The following LRP6 variants were observed in gnomAD, a reference collection of about 807,000 sequenced individuals.
LRP6 encodes low-density lipoprotein receptor-related protein 6.
LRP6 carries 43 observed loss-of-function variants against 184.1 expected under a neutral mutation model. The observed-to-expected ratio is 0.23, with a 90% CI of 0.18 to 0.30. The LOEUF is 0.30. LRP6 is among the 10% of genes least tolerant of loss of function. LRP6 has a pLI of 1.00. For missense variants in LRP6, 1,571 were observed against 2,005.3 expected (o/e 0.78, Z 4.14); for synonymous variants, 719 against 684.9 (o/e 1.05, Z -0.78).
At chr12:12,266,604 C>T (rs529499395) in intron 1 of LRP6, 77 bp downstream of exon 1, 1 of 1,224,874 alleles carries the variant, frequency 8.2e-7, no homozygotes, top group South Asian at 1.3e-5. Context: ...TCCGTCCCTC[C>T]CCTCCCCCTA....
intron 19 of LRP6, among the ~76,000 whole-genome samples, chr12:12,130,296 C>T (rs1469155797): frequency 1.3e-5 from 2 of 151,176 alleles, no homozygotes; most frequent in Non-Finnish European, 2.9e-5. Flanking sequence ...AAATGATTGT[C>T]CTGCTTCAGC....
intron 14 of LRP6, 103 bp from the exon 15 acceptor site, chr12:12,147,659 G>GT: frequency 1.0e-6 from 1 of 988,106 alleles, no homozygotes; most frequent in South Asian, 1.4e-5. Context: ...TTTAAGTATT[G>GT]TTTTTAAAAG....
At chr12:12,254,353 C>G (rs1865410521) in intron 1 of LRP6, among the ~76,000 whole-genome samples, 1 of 152,028 alleles carries the variant, frequency 6.6e-6, no homozygotes, top group South Asian at 2.1e-4. Flanking sequence ...TTACATAGGA[C>G]TGAATAAACT....
chr12:12,257,357 T>C (rs1341147187), intron 1 of LRP6, among the ~76,000 whole-genome samples: 1 of 151,858 alleles, frequency 6.6e-6, no homozygotes, highest in East Asian at 1.9e-4. Flanking sequence ...GGCGGGTGGA[T>C]CACGAGGTCA....
intron 4 of LRP6, among the ~76,000 whole-genome samples, chr12:12,185,343 A>T (rs1313209120): frequency 6.6e-6 from 1 of 152,192 alleles, no homozygotes; most frequent in Non-Finnish European, 1.5e-5. Context: ...AGAATAAAAA[A>T]ATTCATACAA....
chr12:12,151,028 A>C lies in LRP6; in HGVS notation c.2802T>G (p.Thr934=). 1 of 1,614,002 alleles carries C rather than the reference A, an allele frequency of 6.2e-7. No individual in the cohort carries two copies. Among genetic ancestry groups the C allele is most frequent in the Non-Finnish European group, 8.5e-7 (1 of 1,179,902 alleles). Residue 934 remains threonine (T), a synonymous_variant, in exon 13 of 23, where the codon ACT becomes ACG. Coordinates refer to ENST00000261349, the MANE Select transcript of LRP6 (RefSeq NM_002336.3). ...CACTCTTTTGACTGAAGAGCAGGAA[A>C]GTCGTAGGAGCTTAAAAGGAAGAAA... ...ADNRTCSAPT[T]FLLFSQKSAI... is the part of the protein sequence containing the mutation.
At chr12:12,134,342 A>G (rs1949801992) in intron 17 of LRP6, among the ~76,000 whole-genome samples, 1 of 152,164 alleles carries the variant, frequency 6.6e-6, no homozygotes, top group African/African-American at 2.4e-5. Flanking sequence ...TCATTTAAAA[A>G]TTTCTGCCAC....
intron 21 of LRP6, 53 bp from the exon 22 acceptor site, chr12:12,124,715 ACTTT>A (rs1230551954): frequency 9.6e-6 from 11 of 1,144,924 alleles, no homozygotes; most frequent in Admixed American, 1.9e-5. Context: ...AAACTATCAG[ACTTT>A]CTTTCAACTT....
At chr12:12,214,229 T>A (rs1014206541) in intron 2 of LRP6, among the ~76,000 whole-genome samples, 1 of 152,128 alleles carries the variant, frequency 6.6e-6, no homozygotes, top group South Asian at 2.1e-4. Flanking sequence ...AAGAGAAAAT[T>A]TAGGACAAAA....
At chr12:12,201,512 G>T (rs1232661466) in intron 3 of LRP6, among the ~76,000 whole-genome samples, 1 of 152,044 alleles carries the variant, frequency 6.6e-6, no homozygotes, top group Non-Finnish European at 1.5e-5. Flanking sequence ...CAAGTCTTAT[G>T]AGACACCCTG....
chr12:12,151,113 T>C, intron 12 of LRP6, 75 bp from the exon 13 acceptor site: 1 of 1,259,178 alleles, frequency 7.9e-7, no homozygotes. Flanking sequence ...TTGATCAGCC[T>C]GTTGTATGTA....
chr12:12,174,814 C>T (rs559793943), intron 7 of LRP6, among the ~76,000 whole-genome samples: 7 of 152,282 alleles, frequency 4.6e-5, no homozygotes, highest in African/African-American at 1.7e-4. Flanking sequence ...CAAAATAATA[C>T]CTTCTTTATT....
rs1949530800 is a variant in LRP6 at position 12,117,244 on chromosome 12, C to T, written c.*3882G>A. The T allele has an allele frequency of 2.0e-5, 3 of 152,176 alleles. No homozygotes were observed. The highest frequency in any genetic ancestry group is 2.0e-4 in the Admixed American group (3 of 15,282). 9.4% of individuals were successfully genotyped at this position (152,176 alleles called of 1,614,324 possible). On this transcript the variant is annotated 3_prime_UTR_variant, in exon 23 of 23. Transcript: ENST00000261349. ...TGATAATGTTTTAAACAACACCTGACTATAAGCTTCTTTAGGACTCAGTCC... is the reference window on the plus strand; with the variant it reads ...TGATAATGTTTTAAACAACACCTGATTATAAGCTTCTTTAGGACTCAGTCC...
chr12:12,135,907 G>A (rs886179409), intron 16 of LRP6, among the ~76,000 whole-genome samples: 9 of 151,704 alleles, frequency 5.9e-5, no homozygotes, highest in South Asian at 2.1e-4. Context: ...GGGAGAGGCC[G>A]GGTGCGGTGG....
chr12:12,227,472 A>G (rs1864658362), intron 2 of LRP6, among the ~76,000 whole-genome samples: 1 of 151,656 alleles, frequency 6.6e-6, no homozygotes, highest in Non-Finnish European at 1.5e-5. Flanking sequence ...CAACAGCGCA[A>G]TCTCGCCTCA....
chr12:12,221,080 CA>C (rs1362820689), intron 2 of LRP6, among the ~76,000 whole-genome samples: 1 of 152,166 alleles, frequency 6.6e-6, no homozygotes, highest in African/African-American at 2.4e-5. Flanking sequence ...CCTTAAGAAC[CA>C]ATGTCAATAT....
rs1416885749 is a variant in LRP6 at position 12,231,462 on chromosome 12, T to C, written c.449+12800A>G. 2.6e-5 allele frequency among the ~76,000 whole-genome samples: 4 copies of C among 152,236 alleles called. No individual in the cohort carries two copies. The East Asian group carries it at 7.7e-4, about 29-fold the overall frequency. On this transcript the variant is annotated intron_variant, in intron 2 of 22. Transcript: ENST00000261349. ...AAAGGTAGGAAAGATCACCAAAGAT[T>C]TCATAATCATAAGACTGCCCCTACA... is the stretch of plus-strand genomic sequence containing the variant.
At chr12:12,147,655 T>C in intron 14 of LRP6, 99 bp from the exon 15 acceptor site, 1 of 1,048,412 alleles carries the variant, frequency 9.5e-7, no homozygotes, top group South Asian at 1.3e-5. Context: ...TATTTTTAAG[T>C]ATTGTTTTTA....
At chr12:12,135,119 A>C in intron 17 of LRP6, 56 bp downstream of exon 17, 4 of 1,611,678 alleles carry the variant, frequency 2.5e-6, no homozygotes, top group Admixed American at 1.7e-5. Flanking sequence ...GTCTAGGCTT[A>C]AGATATGGAA....
Sources: allele counts gnomAD v4.1 joint callset (sites outside exome capture counted in the v4.1 genomes callset), GRCh38; gene constraint gnomAD v4.1.1; transcripts MANE v1.5; gene names NCBI Gene and HGNC (gene_info 2026-07-23, HGNC 2026-07-21).